Variants in NECAP1 observed in about 807,000 individuals in gnomAD.
NECAP1 encodes the protein NECAP endocytosis associated 1.
Under a neutral mutation model 33.4 loss-of-function variants are expected in NECAP1, and 13 were observed. The observed-to-expected ratio is 0.39, with a 90% CI of 0.25 to 0.62. The LOEUF (loss-of-function observed/expected upper bound fraction) is 0.62. Among genes scored for constraint, NECAP1 ranks in the 20% least tolerant of loss-of-function variants. The pLI, the probability that NECAP1 is intolerant of heterozygous loss-of-function variation, is 0.52. For missense variants in NECAP1, 272 were observed against 347.4 expected, an observed-to-expected ratio of 0.78 and a Z score of 1.73; for synonymous variants, 109 against 125.2, an observed-to-expected ratio of 0.87 and a Z score of 0.86.
intron 1 of NECAP1, chr12:8,089,532 T>C (rs1947522950): frequency 6.2e-6 from 1 of 161,450 alleles, no homozygotes; most frequent in Non-Finnish European, 1.4e-5. Context: ...CCAGCTAATT[T>C]TTGTATTTTT....
rs570151271 is a variant in NECAP1 at position 8,082,339 on chromosome 12, C to T, written c.51C>T (p.Val17=). ...YESVLCVKPD[V]SVYRIPPRAS... ...CTGTGCTGTGTGTGAAGCCAGACGT[C>T]AGCGTCTACCGGATTCCGCCCCGGG... Residue 17 remains valine (V), a synonymous_variant, in exon 1 of 8, where the codon GTC becomes GTT. Transcript: ENST00000339754. The T allele has an allele frequency of 8.1e-6, 13 of 1,613,694 alleles. No individual in the cohort carries two copies. Among genetic ancestry groups the T allele is most frequent in the Non-Finnish European group, 1.0e-5 (12 of 1,179,708 alleles).
chr12:8,091,463 C>T (rs1947543292), intron 3 of NECAP1: 2 of 351,136 alleles, frequency 5.7e-6, no homozygotes, highest in South Asian at 3.7e-5. Flanking sequence ...GAGACAGTGA[C>T]AGATCATCAG....
intron 1 of NECAP1, among the ~76,000 whole-genome samples, chr12:8,086,191 T>G (rs1331547921): frequency 6.6e-6 from 1 of 152,226 alleles, no homozygotes; most frequent in African/African-American, 2.4e-5. Flanking sequence ...GCAGGAGGAA[T>G]TTTTCCTTTG....
chr12:8,084,073 A>G (rs896299522), intron 1 of NECAP1, among the ~76,000 whole-genome samples: 3 of 151,992 alleles, frequency 2.0e-5, no homozygotes, highest in African/African-American at 4.8e-5. Flanking sequence ...TCTCTGACCC[A>G]CATCATCATT....
In NECAP1 at chr12:8,090,091, A is replaced by T. The variant is rs1947529284; in HGVS notation, c.196+55A>T. ...AAGAATATTAATTTGGTGTGCTTTTATAAGTACCTTCAATTTGGGGACTGG... is the reference window on the plus strand; with the variant it reads ...AAGAATATTAATTTGGTGTGCTTTTTTAAGTACCTTCAATTTGGGGACTGG... On this transcript the variant is annotated intron_variant, in intron 2 of 7. Transcript: ENST00000339754. 4.4e-6 allele frequency: 7 copies of T among 1,582,808 alleles called. No individual in the cohort carries two copies. In the Admixed American group the frequency reaches 1.2e-4, roughly 26 times the overall value.
At position 8,090,029 on chromosome 12, in the gene NECAP1, A is replaced by T; in HGVS notation, c.189A>T (p.Lys63Asn). ...CTGCCTATATCAAACTCGAGGATAA[A>T]GTTTCAGGTAATCTTTGCGGGTGAC... is the stretch of plus-strand genomic sequence containing the variant. ...GKTAYIKLEDKVSGELFAQAP... is the reference protein window; with the variant it reads ...GKTAYIKLEDNVSGELFAQAP... The change falls in exon 2 of 8, where the codon AAA (lysine) becomes AAT (asparagine). Residue 63 changes from lysine (K) to asparagine (N), a missense_variant. Coordinates refer to ENST00000339754, the MANE Select transcript of NECAP1 (RefSeq NM_015509.4). 6.2e-7 allele frequency: 1 copy of T among 1,613,580 alleles called. No homozygotes were observed. Among genetic ancestry groups the T allele is most frequent in the Non-Finnish European group, 8.5e-7 (1 of 1,179,510 alleles).
chr12:8,086,446 CTACAAAAA>C (rs1319832183), intron 1 of NECAP1, among the ~76,000 whole-genome samples: 2 of 149,280 alleles, frequency 1.3e-5, no homozygotes, highest in East Asian at 4.0e-4. Context: ...AACCCCGTCT[CTACAAAAA>C]TACAAAAAAC....
rs1373731593 is a variant in NECAP1, at chr12:8,096,255, C to G, written c.*165C>G. The stretch of plus-strand genomic sequence containing the variant: ...CATTCAAGCTGGTTTATGTCACTCC[C>G]CTGTGTTGTTACTTGTACAGCCAAG... On this transcript the variant is annotated 3_prime_UTR_variant, in exon 8 of 8. Coordinates refer to ENST00000339754, the MANE Select transcript of NECAP1 (RefSeq NM_015509.4). 2 of 675,264 alleles carry G rather than the reference C, an allele frequency of 3.0e-6. No homozygotes were observed. The highest frequency in any genetic ancestry group is 5.0e-6 in the Non-Finnish European group (2 of 401,960). The allele number at this position is 675,264 out of a possible 1,614,324, so 41.8% of individuals were successfully genotyped here.
chr12:8,086,248 T>C (rs984033361), intron 1 of NECAP1, among the ~76,000 whole-genome samples: 2 of 152,212 alleles, frequency 1.3e-5, no homozygotes, highest in Admixed American at 6.5e-5. Flanking sequence ...ATTCACCTAG[T>C]GTAAGCTGTT....
In NECAP1 at chr12:8,095,630, C is replaced by T. The variant is rs201797163; in HGVS notation, c.706C>T (p.Pro236Ser). Residue 236 changes from proline (P) to serine (S), a missense_variant, in exon 7 of 8, where the codon CCT (proline) becomes TCT (serine). Coordinates refer to ENST00000339754, the MANE Select transcript of NECAP1 (RefSeq NM_015509.4). ...DILLDLDSPA[P>S]VTTPAPTPVS... Reference sequence around the variant, plus strand: ...CCTTTTAGATTTGGATTCTCCTGCTCCTGTCACGACACCAGCACCAACTCC... The same window carrying T: ...CCTTTTAGATTTGGATTCTCCTGCTTCTGTCACGACACCAGCACCAACTCC... The T allele has an allele frequency of 2.7e-5, 43 of 1,613,558 alleles. No individual in the cohort carries two copies. In the East Asian group the frequency reaches 7.4e-4, roughly 28 times the overall value.
chr12:8,091,954 A>G lies in NECAP1; in HGVS notation c.383+104A>G, dbSNP rs758122566. ...TTTCCTCCTGGTTTCTTTGTTTCTTAAACTATTTCATTGTGAATATAAATC... is the reference window on the plus strand; with the variant it reads ...TTTCCTCCTGGTTTCTTTGTTTCTTGAACTATTTCATTGTGAATATAAATC... On this transcript the variant is annotated intron_variant, in intron 4 of 7. Coordinates refer to ENST00000339754, the MANE Select transcript of NECAP1 (RefSeq NM_015509.4). 1.0e-5 allele frequency: 10 copies of G among 981,308 alleles called. No individual in the cohort carries two copies. The South Asian group carries it at 1.5e-4, about 14-fold the overall frequency. 60.8% of individuals were successfully genotyped at this position (981,308 alleles called of 1,614,324 possible). A position where few individuals can be genotyped will look rare whatever the true frequency, so the allele number is the denominator to read the frequency against.
chr12:8,093,164 T>A, intron 6 of NECAP1, 109 bp downstream of exon 6: 1 of 1,085,378 alleles, frequency 9.2e-7, no homozygotes, highest in Non-Finnish European at 1.3e-6. Flanking sequence ...CTCATGGTAC[T>A]GACAAGGTGA....
Position 8,097,509 on chromosome 12 carries a change from GCAGCTCTATTCTTGCAGA to G in NECAP1, c.*1420_*1437del, listed in dbSNP as rs1947605805. The G allele has an allele frequency of 6.6e-6, 1 of 152,454 alleles. No individual in the cohort carries two copies. Among genetic ancestry groups the G allele is most frequent in the Admixed American group, 6.6e-5 (1 of 15,262 alleles). The allele number at this position is 152,454 out of a possible 1,614,324, so 9.4% of individuals were successfully genotyped here. On this transcript the variant is annotated 3_prime_UTR_variant, in exon 8 of 8. Coordinates refer to ENST00000339754, the MANE Select transcript of NECAP1 (RefSeq NM_015509.4). ...TTCTTTTCATTGCCTCCTTTTCCAG[GCAGCTCTATTCTTGCAGA>G]GCCATAGCAGGACATGTTAAAATTC... is the stretch of plus-strand genomic sequence containing the variant.
At chr12:8,092,530 T>C in intron 4 of NECAP1, 146 bp from the exon 5 acceptor site, 1 of 610,500 alleles carries the variant, frequency 1.6e-6, no homozygotes, top group South Asian at 2.3e-5. Flanking sequence ...CTTTCTTGGC[T>C]TTTTTCCCTT....
chr12:8,087,326 T>C (rs1947500584), intron 1 of NECAP1, among the ~76,000 whole-genome samples: 1 of 151,832 alleles, frequency 6.6e-6, no homozygotes, highest in African/African-American at 2.4e-5. Context: ...GTTAAAAGTA[T>C]TGTCAGAGGA....
chr12:8,083,428 T>G (rs1342375965), intron 1 of NECAP1, among the ~76,000 whole-genome samples: 1 of 137,404 alleles, frequency 7.3e-6, no homozygotes, highest in African/African-American at 2.7e-5. Context: ...GTTCTTTTTT[T>G]TTTTTTTTTT....
At position 8,082,350 on chromosome 12, in the gene NECAP1, G is replaced by A; in HGVS notation, c.62G>A (p.Arg21Gln). 6.2e-7 allele frequency: 1 copy of A among 1,613,720 alleles called. No individual in the cohort carries two copies. Among genetic ancestry groups the A allele is most frequent in the Non-Finnish European group, 8.5e-7 (1 of 1,179,646 alleles). ...GTGAAGCCAGACGTCAGCGTCTACC[G>A]GATTCCGCCCCGGGCCTCCAACCGC... ...LCVKPDVSVY[R>Q]IPPRASNRGY... The change falls in exon 1 of 8, where the codon CGG becomes CAG. Residue 21 changes from arginine (R) to glutamine (Q), a missense_variant. Coordinates refer to ENST00000339754, the MANE Select transcript of NECAP1 (RefSeq NM_015509.4).
intron 5 of NECAP1, 21 bp from the exon 6 acceptor site, chr12:8,092,851 T>G (rs1947562150): frequency 6.3e-7 from 1 of 1,576,896 alleles, no homozygotes; most frequent in Non-Finnish European, 8.6e-7. Context: ...TTTCTCTTGC[T>G]CTTCTTTTTT....
chr12:8,083,421 C>CTTTTTTTTTTTTTTTTTTTTTTTTTTTT (rs71042328), intron 1 of NECAP1, among the ~76,000 whole-genome samples: 1 of 65,840 alleles, frequency 1.5e-5, no homozygotes. Flanking sequence ...TTTGTTTGTT[C>CTTTTTTTTTTTTTTTTTTTTTTTTTTTT]TTTTTTTTTT....
Sources: allele counts gnomAD v4.1 joint callset (sites outside exome capture counted in the v4.1 genomes callset), GRCh38; gene constraint gnomAD v4.1.1; transcripts MANE v1.5; gene names NCBI Gene and HGNC (gene_info 2026-07-23, HGNC 2026-07-21).